Variants in SNTB2 observed in about 807,000 individuals in gnomAD.
SNTB2 encodes beta-2-syntrophin.
SNTB2 carries 34 observed loss-of-function variants against 46.2 expected under a neutral mutation model. The ratio of observed to expected loss-of-function variants is 0.74; its 90% CI spans 0.56 to 0.98. The LOEUF (loss-of-function observed/expected upper bound fraction) is 0.98. Ranked by LOEUF, SNTB2 falls within the 50% of genes least tolerant of loss-of-function variation. SNTB2 has a pLI of 0.00. For missense variants in SNTB2, 603 were observed against 731.4 expected (o/e 0.82, Z 2.02); for synonymous variants, 290 against 312.6 (o/e 0.93, Z 0.76).
At chr16:69,214,520 T>A (rs894983272) in intron 1 of SNTB2, among the ~76,000 whole-genome samples, 1 of 151,868 alleles carries the variant, frequency 6.6e-6, no homozygotes, top group Non-Finnish European at 1.5e-5. Flanking sequence ...ATATTTTATA[T>A]GTACATATGT....
chr16:69,260,149 C>T lies in SNTB2; in HGVS notation c.894C>T (p.Asn298=). ...CCTGGTTCGTAGCTATCCACACCAA[C>T]ATAATGGCTCTCCTCCCACAGGTGT... ...AHSWFVAIHT[N]IMALLPQVLA... Residue 298 remains asparagine (N), a synonymous_variant, in exon 3 of 7, where the codon AAC becomes AAT. Transcript: ENST00000336278. The T allele has an allele frequency of 1.9e-6, 3 of 1,614,096 alleles. No homozygotes were observed. Among genetic ancestry groups the T allele is most frequent in the Non-Finnish European group, 2.5e-6 (3 of 1,180,018 alleles).
At chr16:69,259,696 T>G (rs2143087987) in intron 2 of SNTB2, among the ~76,000 whole-genome samples, 1 of 149,714 alleles carries the variant, frequency 6.7e-6, no homozygotes, top group Admixed American at 6.8e-5. Context: ...CTCCGCCTCC[T>G]GGGGTCAAGC....
intron 4 of SNTB2, among the ~76,000 whole-genome samples, chr16:69,281,617 G>A (rs1965048107): frequency 1.3e-5 from 2 of 151,324 alleles, no homozygotes; most frequent in African/African-American, 4.9e-5. Flanking sequence ...TTGGGAGGCC[G>A]AGGCAGGCAG....
At chr16:69,256,141 G>A (rs1964773828) in intron 2 of SNTB2, among the ~76,000 whole-genome samples, 1 of 151,812 alleles carries the variant, frequency 6.6e-6, no homozygotes. Context: ...AGCCAAGATC[G>A]GGCCACTGCA....
At chr16:69,296,441 C>G (rs1965224700) in intron 5 of SNTB2, among the ~76,000 whole-genome samples, 1 of 151,818 alleles carries the variant, frequency 6.6e-6, no homozygotes, top group Non-Finnish European at 1.5e-5. Flanking sequence ...AAATCTCAGG[C>G]CGGTCGCGGT....
Position 69,292,411 on chromosome 16 carries a change from ATATATATTATATATATATATATATT to A in SNTB2, c.1346-7178_1346-7154del, listed in dbSNP as rs1965178053. Reference sequence around the variant, plus strand: ...TATATTATATATATATATATATTATATATATATTATATATATATATATATTATATATATATAATTTTTTTTTTGAG... The same window carrying A: ...TATATTATATATATATATATATTATAATATATATATAATTTTTTTTTTGAG... On this transcript the variant is annotated intron_variant, in intron 5 of 6. Transcript: ENST00000336278. Among the ~76,000 whole-genome samples, 18 of 22,974 alleles carry A rather than the reference ATATATATTATATATATATATATATT, an allele frequency of 7.8e-4. 5 individuals are homozygous for A. The highest frequency in any genetic ancestry group is 4.8e-3 in the African/African-American group (14 of 2,922). The allele number at this position is 22,974 out of a possible 152,430, so 15.1% of individuals were successfully genotyped here. A position where few individuals can be genotyped will look rare whatever the true frequency, so the allele number is the denominator to read the frequency against.
rs1965173723 is a variant in SNTB2, at chr16:69,292,388, TATTATATATATATATATATTATATATATA to T, written c.1346-7201_1346-7173del. 1.5e-4 allele frequency among the ~76,000 whole-genome samples: 2 copies of T among 13,480 alleles called. 1 individual carries two copies. The highest frequency in any genetic ancestry group is 2.3e-4 in the Non-Finnish European group (2 of 8,826). 8.8% of individuals were successfully genotyped at this position (13,480 alleles called of 152,430 possible). ...TATATATATATATATATTATATATA[TATTATATATATATATATATTATATATATA>T]TTATATATATATATATATTATATAT... On this transcript the variant is annotated intron_variant, in intron 5 of 6. Transcript: ENST00000336278.
rs1964126999 is a variant in SNTB2, at chr16:69,198,418, CAT to C, written c.580+10673_580+10674del. Among the ~76,000 whole-genome samples the C allele has an allele frequency of 2.6e-5, 4 of 152,168 alleles. No individual in the cohort carries two copies. The South Asian group carries it at 6.2e-4, about 24-fold the overall frequency. ...GTCCTCATGCCTGGCCTATTTTTCA[CAT>C]GTGTATTTTTGACAAGAGAAATGTC... On this transcript the variant is annotated intron_variant, in intron 1 of 6. Coordinates refer to ENST00000336278, the MANE Select transcript of SNTB2 (RefSeq NM_006750.4).
intron 1 of SNTB2, among the ~76,000 whole-genome samples, chr16:69,212,245 G>A (rs1964295614): frequency 6.6e-6 from 1 of 152,086 alleles, no homozygotes; most frequent in Non-Finnish European, 1.5e-5. Flanking sequence ...GTCTTTTAAT[G>A]ATCAAGGTGT....
At position 69,187,596 on chromosome 16, in the gene SNTB2, A is replaced by G. The variant is rs770971085; in HGVS notation, c.430A>G (p.Lys144Glu). The G allele has an allele frequency of 6.4e-7, 1 of 1,550,494 alleles. No individual in the cohort carries two copies. Among genetic ancestry groups the G allele is most frequent in the Admixed American group, 2.0e-5 (1 of 50,886 alleles). The change falls in exon 1 of 7, where the codon AAG becomes GAG. Residue 144 changes from lysine to glutamate, a missense_variant. Lys to Glu is a moderately conservative substitution (Grantham distance 56, BLOSUM62 1). Transcript: ENST00000336278. ...GAACCGGATGCCGATCCTCATCTCC[A>G]AGATCTTCCCCGGGCTGGCTGCCGA... is the stretch of plus-strand genomic sequence containing the variant. ...RENRMPILIS[K>E]IFPGLAADQS...
intron 1 of SNTB2, among the ~76,000 whole-genome samples, chr16:69,224,629 A>G (rs1042580583): frequency 1.3e-5 from 2 of 152,226 alleles, no homozygotes. Flanking sequence ...AATGATTACT[A>G]TAGTGTTTTA....
At chr16:69,281,052 C>G (rs899392778) in intron 4 of SNTB2, among the ~76,000 whole-genome samples, 5 of 152,292 alleles carry the variant, frequency 3.3e-5, no homozygotes, top group East Asian at 3.9e-4. Context: ...GCCTCGGCCT[C>G]CCAAAGTGCT....
chr16:69,208,723 C>T (rs774078208), intron 1 of SNTB2, among the ~76,000 whole-genome samples: 4 of 150,852 alleles, frequency 2.7e-5, no homozygotes, highest in African/African-American at 9.8e-5. Flanking sequence ...AGGCTGGGCG[C>T]GGTGGCTCAC....
chr16:69,283,936 C>A, intron 4 of SNTB2, 112 bp from the exon 5 acceptor site: 1 of 988,988 alleles, frequency 1.0e-6, no homozygotes, highest in Non-Finnish European at 1.5e-6. Flanking sequence ...ATGTCTATAT[C>A]CAAAAACTGC....
At chr16:69,291,767 G>A (rs887406673) in intron 5 of SNTB2, among the ~76,000 whole-genome samples, 17 of 151,930 alleles carry the variant, frequency 1.1e-4, no homozygotes, top group Non-Finnish European at 1.8e-4. Context: ...GTAAGACCGC[G>A]TCTCTATGAA....
At chr16:69,230,960 G>T (rs1478650187) in intron 1 of SNTB2, 2 of 151,250 alleles carry the variant, frequency 1.3e-5, no homozygotes, top group East Asian at 4.0e-4. Context: ...AGCCAGGATG[G>T]TCTCCATCTC....
intron 1 of SNTB2, among the ~76,000 whole-genome samples, chr16:69,239,046 A>G (rs781684163): frequency 6.6e-6 from 1 of 152,022 alleles, no homozygotes; most frequent in Admixed American, 6.6e-5. Context: ...ACCCAGCTCC[A>G]GTTACTCTGG....
chr16:69,209,051 C>T lies in SNTB2; in HGVS notation c.580+21305C>T, dbSNP rs144039603. ...GGAGTGCAGTCGCCCGATCTCAGCT[C>T]ACTGCAAGCTCCGCCTCCCAGGTTC... On this transcript the variant is annotated intron_variant, in intron 1 of 6. Coordinates refer to ENST00000336278, the MANE Select transcript of SNTB2 (RefSeq NM_006750.4). Among the ~76,000 whole-genome samples, 592 of 151,940 alleles carry T rather than the reference C, an allele frequency of 3.9e-3. 3 individuals are homozygous for T. The highest frequency in any genetic ancestry group is 6.0e-3 in the Non-Finnish European group (405 of 68,030).
intron 2 of SNTB2, among the ~76,000 whole-genome samples, chr16:69,259,360 G>A (rs141852763): frequency 0.019 from 2,753 of 148,124 alleles, 25 homozygotes; most frequent in Non-Finnish European, 0.026. Flanking sequence ...AGCCTCCCGA[G>A]TAGCTGGGAT....
Sources: allele counts gnomAD v4.1 joint callset (sites outside exome capture counted in the v4.1 genomes callset), GRCh38; gene constraint gnomAD v4.1.1; transcripts MANE v1.5; gene names NCBI Gene and HGNC (gene_info 2026-07-23, HGNC 2026-07-21).